MRPL36: variants seen among roughly 807,000 people sequenced by gnomAD.
The protein encoded by MRPL36 is large ribosomal subunit protein bL36m.
A neutral mutation model predicts 2.8 loss-of-function variants in MRPL36; 1 was observed. That is an observed-to-expected ratio of 0.36 (90% confidence interval 0.13 to 1.69). The LOEUF (loss-of-function observed/expected upper bound fraction) is 1.69, where lower values mean the gene tolerates loss of function less well. MRPL36 is among the 40% of genes most tolerant of loss of function. The pLI is 0.35. For synonymous variants in MRPL36, 68 were observed against 54.8 expected (o/e 1.24, Z -1.06); for missense variants, 148 against 132.7 (o/e 1.12, Z -0.57).
Position 1,798,774 on chromosome 5 carries a change from G to A in MRPL36, c.162C>T (p.Pro54=), listed in dbSNP as rs773367035. Residue 54 remains proline (P), a synonymous_variant, in exon 2 of 2, where the codon CCC becomes CCT. Coordinates refer to ENST00000505059, the MANE Select transcript of MRPL36 (RefSeq NM_032479.4). The stretch of plus-strand genomic sequence containing the variant: ...CAGGCAGCAGATGGGGCAGGAGGCC[G>A]GGTGAGAGAAGTGAGCGCACTGCTG... ...PGAAVRSLLS[P]GLLPHLLPAL... is the part of the protein sequence containing the mutation. 8 of 1,613,954 alleles carry A rather than the reference G, an allele frequency of 5.0e-6. No individual in the cohort carries two copies. Among genetic ancestry groups the A allele is most frequent in the African/African-American group, 4.0e-5 (3 of 74,912 alleles).
chr5:1,800,604 C>T (rs1009574648), upstream of MRPL36, among the ~76,000 whole-genome samples: 8 of 152,122 alleles, frequency 5.3e-5, no homozygotes, highest in South Asian at 2.1e-4. Flanking sequence ...TTTCTCATGC[C>T]TTTCCTCCTC....
At chr5:1,799,881 G>C (rs1733982936), upstream of MRPL36, 1 of 152,092 alleles carries the variant, frequency 6.6e-6, no homozygotes, top group East Asian at 1.9e-4. Context: ...GCGGCGGGGG[G>C]GGGGGTCACG....
upstream of MRPL36, among the ~76,000 whole-genome samples, chr5:1,800,683 C>G (rs1734010094): frequency 6.6e-6 from 1 of 152,220 alleles, no homozygotes; most frequent in African/African-American, 2.4e-5. Flanking sequence ...TCCTCAGGCT[C>G]TGACCACAGC....
chr5:1,799,491 G>A lies in MRPL36; in HGVS notation c.-13+301C>T, dbSNP rs536814061. ...AGAGCTGGGCCTGCAGGGCCCGGAG[G>A]ACACTGCGGCACCGGAGCCGGCCCT... is the stretch of plus-strand genomic sequence containing the variant. On this transcript the variant is annotated intron_variant, in intron 1 of 1. Transcript: ENST00000505059. The A allele has an allele frequency of 6.6e-5, 10 of 152,436 alleles. No individual in the cohort carries two copies. In the South Asian group the frequency reaches 8.3e-4, roughly 13 times the overall value. 9.4% of individuals were successfully genotyped at this position (152,436 alleles called of 1,614,324 possible).
intron 1 of MRPL36, 61 bp from the exon 2 acceptor site, chr5:1,799,008 G>T: frequency 7.4e-7 from 1 of 1,353,266 alleles, no homozygotes; most frequent in Non-Finnish European, 1.0e-6. Flanking sequence ...GCTCTTTAAG[G>T]CTTCCTTTTC....
At position 1,798,779 on chromosome 5, in the gene MRPL36, A is replaced by T. The variant is rs1210921799; in HGVS notation, c.157T>A (p.Ser53Thr). ...AGCAGATGGGGCAGGAGGCCGGGTG[A>T]GAGAAGTGAGCGCACTGCTGCCCCG... Reference protein sequence around the residue: ...EPGAAVRSLLSPGLLPHLLPA... With the variant: ...EPGAAVRSLLTPGLLPHLLPA... The change falls in exon 2 of 2, where the codon TCA (serine) becomes ACA (threonine). Residue 53 changes from serine to threonine, a missense_variant. Ser to Thr is a moderately conservative substitution (Grantham distance 58). Coordinates refer to ENST00000505059, the MANE Select transcript of MRPL36 (RefSeq NM_032479.4). 6.2e-7 allele frequency: 1 copy of T among 1,614,038 alleles called. No individual in the cohort carries two copies. Among genetic ancestry groups the T allele is most frequent in the South Asian group, 1.1e-5 (1 of 91,082 alleles).
In MRPL36 at chr5:1,798,603, G is replaced by GT. The variant is rs1733917774; in HGVS notation, c.*20dup. 6.3e-7 allele frequency: 1 copy of GT among 1,587,668 alleles called. No individual in the cohort carries two copies. The highest frequency in any genetic ancestry group is 1.3e-5 in the African/African-American group (1 of 74,446). ...AAGTGATGCGATGACGAGTATGTGCGTGACTCTGGAGGGAAAGGGTCTACA... is the reference window on the plus strand; with the variant it reads ...AAGTGATGCGATGACGAGTATGTGCGTTGACTCTGGAGGGAAAGGGTCTACA... On this transcript the variant is annotated 3_prime_UTR_variant, in exon 2 of 2. Coordinates refer to ENST00000505059, the MANE Select transcript of MRPL36 (RefSeq NM_032479.4).
Position 1,798,928 on chromosome 5 carries a change from TTTGCCATG to T in MRPL36, c.-1_7del. On this transcript the variant is annotated start_lost and 5_prime_UTR_variant, in exon 2 of 2. Coordinates refer to ENST00000505059, the MANE Select transcript of MRPL36 (RefSeq NM_032479.4). ...GTTCACCATTTTCCTTATAAAAAGA[TTTGCCATG>T]TTGTGGTGAATCTATGGGAGAGAGA... is the stretch of plus-strand genomic sequence containing the variant. 1 of 1,589,288 alleles carries T rather than the reference TTTGCCATG, an allele frequency of 6.3e-7. No homozygotes were observed. The highest frequency in any genetic ancestry group is 1.7e-5 in the Admixed American group (1 of 58,540).
upstream of MRPL36, chr5:1,799,912 C>CG (rs1445890029): frequency 6.7e-6 from 1 of 149,594 alleles, no homozygotes; most frequent in African/African-American, 2.5e-5. Flanking sequence ...ACGTCCAGTG[C>CG]GGGGCGCAGA....
At chr5:1,801,382 G>A (rs764464262), upstream of MRPL36, 20 of 1,601,374 alleles carry the variant, frequency 1.2e-5, no homozygotes, top group Non-Finnish European at 1.7e-5. Context: ...AGCGCTAAGC[G>A]GGACGTTGCG....
rs760603990 is a variant in MRPL36, at chr5:1,798,648, C to T, written c.288G>A (p.Pro96=). The part of the protein sequence containing the change: ...GRWYVYCKTH[P]RHKQRQM ...TCTACATCTGTCTCTGCTTGTGCCT[C>T]GGATGGGTTTTACAGTAGACGTACC... is the stretch of plus-strand genomic sequence containing the variant. Residue 96 remains proline, a synonymous_variant, in exon 2 of 2, where the codon CCG becomes CCA. Coordinates refer to ENST00000505059, the MANE Select transcript of MRPL36 (RefSeq NM_032479.4). 22 of 1,610,546 alleles carry T rather than the reference C, an allele frequency of 1.4e-5. No homozygotes were observed. The highest frequency in any genetic ancestry group is 3.3e-5 in the Admixed American group (2 of 59,942).
chr5:1,800,489 C>T (rs1037649452), upstream of MRPL36, among the ~76,000 whole-genome samples: 9 of 152,218 alleles, frequency 5.9e-5, no homozygotes, highest in Non-Finnish European at 8.8e-5. Context: ...ACCCGGCGAA[C>T]ACCGGGCGGG....
upstream of MRPL36, chr5:1,801,184 A>C: frequency 1.6e-6 from 1 of 615,838 alleles, no homozygotes; most frequent in Non-Finnish European, 2.7e-6. Flanking sequence ...ATTGATGAAA[A>C]GTCAAACAAG....
rs368590462 is a variant in MRPL36, at chr5:1,798,609, C to G, written c.*15G>C. On this transcript the variant is annotated 3_prime_UTR_variant, in exon 2 of 2. Coordinates refer to ENST00000505059, the MANE Select transcript of MRPL36 (RefSeq NM_032479.4). ...TGCGATGACGAGTATGTGCGTGACT[C>G]TGGAGGGAAAGGGTCTACATCTGTC... 1.4e-5 allele frequency: 23 copies of G among 1,593,872 alleles called. No individual in the cohort carries two copies. Among genetic ancestry groups the G allele is most frequent in the Non-Finnish European group, 2.0e-5 (23 of 1,163,918 alleles).
intron 1 of MRPL36, 79 bp downstream of exon 1, chr5:1,799,713 A>C (rs1347230658): frequency 6.6e-6 from 1 of 152,298 alleles, no homozygotes; most frequent in Non-Finnish European, 1.5e-5. Flanking sequence ...GAGGGTCCCA[A>C]GGTGGCCGGC....
upstream of MRPL36, chr5:1,801,337 G>C (rs967779097): frequency 1.9e-6 from 3 of 1,544,108 alleles, no homozygotes; most frequent in Non-Finnish European, 2.6e-6. Context: ...TAAATACCGG[G>C]TGTTTGGCGC....
At chr5:1,800,907 C>T (rs1734017931), upstream of MRPL36, among the ~76,000 whole-genome samples, 2 of 152,234 alleles carry the variant, frequency 1.3e-5, no homozygotes, top group Admixed American at 1.3e-4. Context: ...CACTTCCAGT[C>T]TCGTCTGCTA....
Position 1,798,904 on chromosome 5 carries a change from T to G in MRPL36, c.32A>C (p.Asn11Thr), listed in dbSNP as rs764114956. The part of the protein sequence containing the change: MANLFIRKMV[N>T]PLLYLSRHTV... Reference sequence around the variant, plus strand: ...GTGACGACTGAGATAGAGCAGAGGGTTCACCATTTTCCTTATAAAAAGATT... The same window carrying G: ...GTGACGACTGAGATAGAGCAGAGGGGTCACCATTTTCCTTATAAAAAGATT... Residue 11 changes from asparagine to threonine, a missense_variant, in exon 2 of 2, where the codon AAC (asparagine) becomes ACC (threonine). By Grantham distance (65) the Asn-to-Thr change is moderately conservative (BLOSUM62 0). Transcript: ENST00000505059. 16 of 1,599,446 alleles carry G rather than the reference T, an allele frequency of 1.0e-5. No homozygotes were observed. The highest frequency in any genetic ancestry group is 1.7e-4 in the Middle Eastern group (1 of 6,042).
intron 1 of MRPL36, 196 bp from the exon 2 acceptor site, chr5:1,799,143 G>A: frequency 5.7e-6 from 3 of 521,812 alleles, no homozygotes; most frequent in Non-Finnish European, 6.8e-6. Flanking sequence ...AGAATAAGGG[G>A]CAGTGGACGG....
Sources: gnomAD v4.1 joint callset for allele counts (sites outside exome capture counted in the v4.1 genomes callset) on GRCh38, gnomAD v4.1.1 for gene constraint, MANE v1.5 for transcripts, NCBI Gene and HGNC (gene_info 2026-07-23, HGNC 2026-07-21) for gene names.